The following NALF1 variants were observed in gnomAD, a reference collection of about 807,000 sequenced individuals.
NALF1 encodes the protein family with sequence similarity 155 member A.
Under a neutral mutation model 48.4 loss-of-function variants are expected in NALF1, and 3 were observed. The observed-to-expected ratio is 0.06, with a 90% CI of 0.03 to 0.16. The LOEUF (loss-of-function observed/expected upper bound fraction) is 0.16, where lower values mean the gene tolerates loss of function less well. NALF1 is among the 10% of genes least tolerant of loss of function. The probability of loss-of-function intolerance (pLI) is 1.00; values close to 1 mark genes in which losing one functional copy is unlikely to be tolerated. For synonymous variants in NALF1, 262 were observed against 245.7 expected (o/e 1.07, Z -0.62); for missense variants, 526 against 571.5 (o/e 0.92, Z 0.81).
At chr13:107,335,708 T>C (rs187697050) in intron 1 of NALF1, among the ~76,000 whole-genome samples, 2 of 152,286 alleles carry the variant, frequency 1.3e-5, no homozygotes, top group East Asian at 3.9e-4. Context: ...GATTCATGGG[T>C]ACCATCACTA....
intron 1 of NALF1, among the ~76,000 whole-genome samples, chr13:107,305,214 C>A (rs1331258130): frequency 6.6e-6 from 1 of 152,132 alleles, no homozygotes; most frequent in African/African-American, 2.4e-5. Flanking sequence ...GCTTTAGGGA[C>A]CCCCAAAAAG....
At chr13:107,247,250 A>T (rs1052275625) in intron 1 of NALF1, among the ~76,000 whole-genome samples, 42 of 152,214 alleles carry the variant, frequency 2.8e-4, no homozygotes, top group African/African-American at 8.9e-4. Flanking sequence ...CTTCCTTAAC[A>T]TTGACAAGGG....
chr13:107,508,019 A>C (rs571039514), intron 1 of NALF1, among the ~76,000 whole-genome samples: 1 of 152,310 alleles, frequency 6.6e-6, no homozygotes, highest in African/African-American at 2.4e-5. Flanking sequence ...AGAAAAAAAT[A>C]GTAATAAGCT....
chr13:107,190,075 C>T (rs1353797997), intron 2 of NALF1, among the ~76,000 whole-genome samples: 2 of 152,142 alleles, frequency 1.3e-5, no homozygotes, highest in Non-Finnish European at 2.9e-5. Flanking sequence ...GAGGGGTCCA[C>T]ATTTTGTAAA....
intron 1 of NALF1, among the ~76,000 whole-genome samples, chr13:107,840,328 A>T (rs1225385915): frequency 6.6e-6 from 1 of 152,224 alleles, no homozygotes; most frequent in Non-Finnish European, 1.5e-5. Flanking sequence ...TAGTGGCTGC[A>T]AGCAAACAGT....
intron 1 of NALF1, among the ~76,000 whole-genome samples, chr13:107,485,890 C>G (rs1323660): frequency 0.62 from 94,141 of 151,986 alleles, 31,281 homozygotes; most frequent in Middle Eastern, 0.78. Flanking sequence ...AATGATCTCA[C>G]CCTTCCTCTC....
At chr13:107,822,697 T>C (rs571583321) in intron 1 of NALF1, among the ~76,000 whole-genome samples, 10 of 152,220 alleles carry the variant, frequency 6.6e-5, no homozygotes, top group Non-Finnish European at 1.3e-4. Flanking sequence ...TTTCTTTTTA[T>C]TCTAGCACTA....
At chr13:107,220,685 T>C (rs4771559) in intron 1 of NALF1, among the ~76,000 whole-genome samples, 89,143 of 152,020 alleles carry the variant, frequency 0.59, 26,468 homozygotes, top group South Asian at 0.75. Flanking sequence ...CTGTAAAATT[T>C]GAGGAGCCAG....
At chr13:107,621,375 C>G (rs561145691) in intron 1 of NALF1, among the ~76,000 whole-genome samples, 2 of 152,154 alleles carry the variant, frequency 1.3e-5, no homozygotes, top group African/African-American at 4.8e-5. Context: ...TTTCTAATAT[C>G]TATCAAGAAG....
At chr13:107,529,848 G>A (rs1876567935) in intron 1 of NALF1, among the ~76,000 whole-genome samples, 1 of 152,150 alleles carries the variant, frequency 6.6e-6, no homozygotes, top group Non-Finnish European at 1.5e-5. Flanking sequence ...TCCATGGTAG[G>A]GATGCAGTTG....
intron 1 of NALF1, among the ~76,000 whole-genome samples, chr13:107,313,441 C>CAACAACAA (rs1555331912): frequency 6.6e-6 from 1 of 152,038 alleles, no homozygotes; most frequent in African/African-American, 2.4e-5. Context: ...AACAAACAAA[C>CAACAACAA]AACAACAAAG....
At chr13:107,446,452 G>A (rs907448999) in intron 1 of NALF1, among the ~76,000 whole-genome samples, 2 of 149,050 alleles carry the variant, frequency 1.3e-5, no homozygotes, top group African/African-American at 5.0e-5. Context: ...TACTAAATTG[G>A]AATTACACCC....
intron 1 of NALF1, among the ~76,000 whole-genome samples, chr13:107,736,234 T>G: frequency 6.7e-6 from 1 of 150,196 alleles, no homozygotes; most frequent in Non-Finnish European, 1.5e-5. Context: ...CGCGCGCGTG[T>G]ACCTAATAAG....
chr13:107,501,244 T>C (rs568579309), intron 1 of NALF1, among the ~76,000 whole-genome samples: 9 of 152,200 alleles, frequency 5.9e-5, no homozygotes, highest in South Asian at 2.1e-4. Flanking sequence ...CATTAATCTA[T>C]TCCTGAGGCT....
chr13:107,429,347 C>T (rs1299364049), intron 1 of NALF1, among the ~76,000 whole-genome samples: 1 of 150,982 alleles, frequency 6.6e-6, no homozygotes, highest in African/African-American at 2.4e-5. Context: ...GATTAGAAAG[C>T]AGTCAAAATA....
intron 1 of NALF1, among the ~76,000 whole-genome samples, chr13:107,419,609 C>T (rs942277071): frequency 2.0e-5 from 3 of 152,114 alleles, no homozygotes; most frequent in Non-Finnish European, 4.4e-5. Flanking sequence ...GTGGCCCCTC[C>T]CCTCTGTAAA....
intron 1 of NALF1, among the ~76,000 whole-genome samples, chr13:107,522,870 G>A (rs564204924): frequency 2.6e-5 from 4 of 151,816 alleles, no homozygotes; most frequent in Admixed American, 1.3e-4. Flanking sequence ...CACCTGCCTC[G>A]GCCTCCCCAA....
intron 1 of NALF1, among the ~76,000 whole-genome samples, chr13:107,693,344 G>T (rs1283652772): frequency 7.4e-6 from 1 of 134,240 alleles, no homozygotes; most frequent in East Asian, 2.5e-4. Flanking sequence ...GGGCGGGAGG[G>T]ATAGCATTAG....
chr13:107,527,150 T>G (rs1399207455), intron 1 of NALF1, among the ~76,000 whole-genome samples: 1 of 152,162 alleles, frequency 6.6e-6, no homozygotes, highest in East Asian at 1.9e-4. Context: ...AAATGTCAGA[T>G]AGGACTATGA....
Sources: gnomAD v4.1 joint callset for allele counts (sites outside exome capture counted in the v4.1 genomes callset) on GRCh38, gnomAD v4.1.1 for gene constraint, MANE v1.5 for transcripts, NCBI Gene and HGNC (gene_info 2026-07-23, HGNC 2026-07-21) for gene names.